CREB3: variants seen among roughly 807,000 people sequenced by gnomAD.
CREB3 encodes the protein cyclic AMP-responsive element-binding protein 3.
CREB3 carries 29 observed loss-of-function variants against 34.5 expected under a neutral mutation model. The observed-to-expected ratio is 0.84, with a 90% CI of 0.63 to 1.15. The LOEUF (loss-of-function observed/expected upper bound fraction) is 1.15. Ranked by LOEUF, CREB3 falls within the 50% of genes most tolerant of loss-of-function variation. The pLI, the probability that CREB3 is intolerant of heterozygous loss-of-function variation, is 0.00. For missense variants in CREB3, 447 were observed against 443.4 expected (o/e 1.01, Z -0.07); for synonymous variants, 187 against 173.9 (o/e 1.08, Z -0.59).
intron 2 of CREB3, 22 bp downstream of exon 2, chr9:35,733,165 G>C (rs772283973): frequency 1.2e-6 from 2 of 1,614,182 alleles, no homozygotes; most frequent in Non-Finnish European, 1.7e-6. Context: ...ATAAGTTTGC[G>C]GGGAGGACAG....
chr9:35,736,179 A>C, intron 7 of CREB3, 47 bp downstream of exon 7: 1 of 1,611,712 alleles, frequency 6.2e-7, no homozygotes, highest in Non-Finnish European at 8.5e-7. Context: ...GTTGGTGGGG[A>C]CAGGGCAATC....
chr9:35,734,454 T>C (rs139523625), intron 4 of CREB3, among the ~76,000 whole-genome samples: 3 of 152,302 alleles, frequency 2.0e-5, no homozygotes, highest in African/African-American at 7.2e-5. Context: ...TTTGTCTTTT[T>C]TTTTTTCTTT....
In CREB3 at chr9:35,736,250, C is replaced by T. The variant is rs757746624; in HGVS notation, c.720C>T (p.Leu240=). The part of the protein sequence containing the change: ...CILVLLVSFC[L]LLVPAMYSSD... ...AGGTCCTACTAGTCTCCTTCTGCCT[C>T]CTCCTTGTACCTGCTATGTACTCCT... The change falls in exon 8 of 9, where the codon CTC becomes CTT. Residue 240 remains leucine, a synonymous_variant. Coordinates refer to ENST00000353704, the MANE Select transcript of CREB3 (RefSeq NM_006368.5). 11 of 1,614,064 alleles carry T rather than the reference C, an allele frequency of 6.8e-6. No individual in the cohort carries two copies. The highest frequency in any genetic ancestry group is 6.7e-5 in the Admixed American group (4 of 60,006).
chr9:35,732,998 A>G lies in CREB3; in HGVS notation c.132A>G (p.Val44=). Residue 44 remains valine, a splice_region_variant and synonymous_variant, in exon 2 of 9, where the codon GTA becomes GTG. Transcript: ENST00000353704. This position sits in a 1 kb window ranked among gnomAD's most constrained non-coding sequence, Gnocchi z 5.1. ...CTGTTCATTGGAACCCTGCGCAGGTACCGAGCGACTGGGAAGTAGATGATT... is the reference window on the plus strand; with the variant it reads ...CTGTTCATTGGAACCCTGCGCAGGTGCCGAGCGACTGGGAAGTAGATGATT... The part of the protein sequence containing the change: ...PLDWALPLSE[V]PSDWEVDDLL... 2 of 1,614,156 alleles carry G rather than the reference A, an allele frequency of 1.2e-6. No homozygotes were observed. The highest frequency in any genetic ancestry group is 1.7e-6 in the Non-Finnish European group (2 of 1,179,998).
Position 35,732,895 on chromosome 9 carries a change from T to C in CREB3, c.123T>C (p.Leu41=), listed in dbSNP as rs1196306221. Residue 41 remains leucine (L), a synonymous_variant, in exon 1 of 9, where the codon CTT becomes CTC. Transcript: ENST00000353704. This position sits in a 1 kb window ranked among gnomAD's most constrained non-coding sequence, Gnocchi z 5.1. ...VRAPLDWALP[L]SEVPSDWEVD... ...CCCCACTGGACTGGGCGCTGCCGCT[T>C]TCTGAGGTAGGTTGGGGTTCTGACT... 1 of 1,613,716 alleles carries C rather than the reference T, an allele frequency of 6.2e-7. No homozygotes were observed. Among genetic ancestry groups the C allele is most frequent in the Non-Finnish European group, 8.5e-7 (1 of 1,179,824 alleles).
intron 2 of CREB3, 34 bp downstream of exon 2, chr9:35,733,177 G>A (rs941591838): frequency 5.0e-6 from 8 of 1,614,092 alleles, no homozygotes; most frequent in Non-Finnish European, 6.8e-6. Flanking sequence ...GGAGGACAGG[G>A]TTCATGGGCC....
chr9:35,735,835 T>G (rs975285092), intron 6 of CREB3, among the ~76,000 whole-genome samples: 5 of 151,880 alleles, frequency 3.3e-5, no homozygotes, highest in African/African-American at 1.2e-4. Context: ...TTTTTTTGTT[T>G]TGTTTTGTTT....
At chr9:35,735,025 T>C in intron 4 of CREB3, 84 bp from the exon 5 acceptor site, 1 of 1,133,880 alleles carries the variant, frequency 8.8e-7, no homozygotes. Context: ...GATTTCTGTA[T>C]TGGAAAGAGA....
At chr9:35,735,524 A>C in intron 6 of CREB3, 150 bp downstream of exon 6, 1 of 686,842 alleles carries the variant, frequency 1.5e-6, no homozygotes, top group Non-Finnish European at 2.5e-6. Context: ...GAATACATTT[A>C]CAAGTAACTA....
rs1826215621 is a variant in CREB3, at chr9:35,736,514, C to T, written c.904C>T (p.Leu302Phe). 1.2e-6 allele frequency: 2 copies of T among 1,614,226 alleles called. No homozygotes were observed. Among genetic ancestry groups the T allele is most frequent in the Non-Finnish European group, 1.7e-6 (2 of 1,180,038 alleles). Reference protein sequence around the residue: ...HQWLDGSDCVLQAPGNTSCLL... With the variant: ...HQWLDGSDCVFQAPGNTSCLL... ...GTGGTTGGACGGCTCAGACTGTGTACTCCAGGCCCCTGGCAACACTTCCTG... is the reference window on the plus strand; with the variant it reads ...GTGGTTGGACGGCTCAGACTGTGTATTCCAGGCCCCTGGCAACACTTCCTG... Residue 302 changes from leucine to phenylalanine, a missense_variant, in exon 9 of 9, where the codon CTC (leucine) becomes TTC (phenylalanine). Leu to Phe is a conservative substitution (Grantham distance 22). Transcript: ENST00000353704.
At position 35,736,038 on chromosome 9, in the gene CREB3, C is replaced by T. The variant is rs1489983529; in HGVS notation, c.612-10C>T. 9 of 1,610,086 alleles carry T rather than the reference C, an allele frequency of 5.6e-6. No homozygotes were observed. The highest frequency in any genetic ancestry group is 7.7e-6 in the Non-Finnish European group (9 of 1,176,364). On this transcript the variant is annotated splice_polypyrimidine_tract_variant and intron_variant, in intron 6 of 8. Transcript: ENST00000353704. ...GGGGATGCTCACTATTGGCCCCTCT[C>T]TTCCTCTAGGTCCCTTCTAGATCAA...
rs372175156 is a variant in CREB3, at chr9:35,735,189, G to A, written c.516G>A (p.Lys172=). ...RSAQESRRKK[K]VYVGGLESRV... is the part of the protein sequence containing the mutation. Reference sequence around the variant, plus strand: ...CTCAAGAGAGCCGCAGGAAAAAGAAGGTGTATGTTGGGGGTTTAGAGAGCA... The same window carrying A: ...CTCAAGAGAGCCGCAGGAAAAAGAAAGTGTATGTTGGGGGTTTAGAGAGCA... The change falls in exon 5 of 9, where the codon AAG becomes AAA. Residue 172 remains lysine (K), a synonymous_variant. Transcript: ENST00000353704. 65 of 1,606,256 alleles carry A rather than the reference G, an allele frequency of 4.0e-5. No individual in the cohort carries two copies. Among genetic ancestry groups the A allele is most frequent in the Non-Finnish European group, 5.3e-5 (62 of 1,178,198 alleles).
In CREB3 at chr9:35,732,729, G is replaced by A. The variant is rs1826112407; in HGVS notation, c.-44G>A. On this transcript the variant is annotated 5_prime_UTR_variant, in exon 1 of 9. Transcript: ENST00000353704. This position sits in a 1 kb window ranked among gnomAD's most constrained non-coding sequence, Gnocchi z 5.1. The stretch of plus-strand genomic sequence containing the variant: ...GGCCTGGGGCTCGTGTCTGGGCTTC[G>A]GACGTTGGGGCCCGGTGGCCCACCC... 1 of 1,580,358 alleles carries A rather than the reference G, an allele frequency of 6.3e-7. No individual in the cohort carries two copies. Among genetic ancestry groups the A allele is most frequent in the Non-Finnish European group, 8.6e-7 (1 of 1,163,130 alleles).
chr9:35,733,462 C>A lies in CREB3; in HGVS notation c.412C>A (p.Pro138Thr). 6.2e-7 allele frequency: 1 copy of A among 1,612,838 alleles called. No homozygotes were observed. The highest frequency in any genetic ancestry group is 8.5e-7 in the Non-Finnish European group (1 of 1,178,860). Residue 138 changes from proline (P) to threonine (T), a missense_variant, in exon 4 of 9, where the codon CCT (proline) becomes ACT (threonine). Pro to Thr is a conservative substitution (Grantham distance 38). Coordinates refer to ENST00000353704, the MANE Select transcript of CREB3 (RefSeq NM_006368.5). ...ATTGGAGAAGGAGGGGCTTATTCTG[C>A]CTGAGACACTTCCTCTCACTAAGGT... is the stretch of plus-strand genomic sequence containing the variant. ...SLLEKEGLIL[P>T]ETLPLTKTEE...
rs754932046 is a variant in CREB3, at chr9:35,733,046, C to T, written c.180C>T (p.Pro60=). Residue 60 remains proline, a synonymous_variant, in exon 2 of 9, where the codon CCC becomes CCT. Transcript: ENST00000353704. ...VDDLLCSLLS[P]PASLNILSSS... ...ATTTGCTGTGCTCCCTGCTGAGTCC[C>T]CCAGCGTCGTTGAACATTCTCAGCT... The T allele has an allele frequency of 3.7e-6, 6 of 1,614,122 alleles. No individual in the cohort carries two copies. In the Admixed American group the frequency reaches 1.0e-4, roughly 27 times the overall value.
rs371141306 is a variant in CREB3, at chr9:35,733,599, GTAGATTT to G, written c.435+115_435+121del. On this transcript the variant is annotated intron_variant, in intron 4 of 8. Coordinates refer to ENST00000353704, the MANE Select transcript of CREB3 (RefSeq NM_006368.5). ...AAAAAGGATTGAGGTGAGAAACTTA[GTAGATTT>G]ATTGCTAATAGGAAGTTGAGGCAGG... The G allele has an allele frequency of 7.2e-5, 52 of 721,316 alleles. No homozygotes were observed. The African/African-American group carries it at 8.8e-4, about 12-fold the overall frequency. The allele number at this position is 721,316 out of a possible 1,614,324, so 44.7% of individuals were successfully genotyped here.
In CREB3 at chr9:35,735,356, T is replaced by C. The variant is rs1826180696; in HGVS notation, c.593T>C (p.Leu198Pro). ...ATGGAGCTTCAGAACAAAGTACAGC[T>C]TCTGGAGGAACAGAATTTGTAAGTA... is the stretch of plus-strand genomic sequence containing the variant. ...QNMELQNKVQ[L>P]LEEQNLSLLD... The change falls in exon 6 of 9, where the codon CTT becomes CCT. Residue 198 changes from leucine (L) to proline (P), a missense_variant. Physicochemically the swap from Leu to Pro is moderately conservative, Grantham distance 98. Transcript: ENST00000353704. 4 of 1,613,950 alleles carry C rather than the reference T, an allele frequency of 2.5e-6. No individual in the cohort carries two copies. In the South Asian group the frequency reaches 3.3e-5, roughly 13 times the overall value.
chr9:35,736,447 G>A lies in CREB3; in HGVS notation c.837G>A (p.Leu279=), dbSNP rs750673896. The change falls in exon 9 of 9, where the codon CTG becomes CTA. Residue 279 remains leucine, a synonymous_variant. Transcript: ENST00000353704. The part of the protein sequence containing the change: ...LPSEDPYQLE[L]PALQSEVPKD... ...GTGAGGACCCTTACCAGCTGGAGCT[G>A]CCTGCCCTGCAGTCAGAAGTGCCGA... 1 of 1,614,154 alleles carries A rather than the reference G, an allele frequency of 6.2e-7. No homozygotes were observed. The highest frequency in any genetic ancestry group is 2.2e-5 in the East Asian group (1 of 44,874).
At position 35,733,483 on chromosome 9, in the gene CREB3, A is replaced by C. The variant is rs768551465; in HGVS notation, c.433A>C (p.Lys145Gln). 3 of 1,607,520 alleles carry C rather than the reference A, an allele frequency of 1.9e-6. No individual in the cohort carries two copies. The highest frequency in any genetic ancestry group is 1.7e-5 in the Admixed American group (1 of 60,014). Residue 145 changes from lysine (K) to glutamine (Q), a missense_variant and splice_region_variant, in exon 4 of 9, where the codon AAG becomes CAG. Lys to Gln is a moderately conservative substitution (Grantham distance 53, BLOSUM62 1). Transcript: ENST00000353704. The stretch of plus-strand genomic sequence containing the variant: ...TCTGCCTGAGACACTTCCTCTCACT[A>C]AGGTAAGACTCTCATTGGTTGAACA... ...LILPETLPLT[K>Q]TEEQILKRVR... is the part of the protein sequence containing the mutation.
Sources: gnomAD v4.1 joint callset for allele counts (sites outside exome capture counted in the v4.1 genomes callset) on GRCh38, gnomAD v4.1.1 for gene constraint, Gnocchi (gnomAD v3.1) non-coding constraint, MANE v1.5 for transcripts, NCBI Gene and HGNC (gene_info 2026-07-23, HGNC 2026-07-21) for gene names.